C1orf167: variants seen among roughly 807,000 people sequenced by gnomAD.
C1orf167 encodes the protein chromosome 1 open reading frame 167, also known as uncharacterized protein C1orf167.
In C1orf167, 153 loss-of-function variants were observed where a neutral mutation model predicts 176.5. The ratio of observed to expected loss-of-function variants is 0.87; its 90% CI spans 0.76 to 0.99. The LOEUF is 0.99. Among genes scored for constraint, C1orf167 ranks in the 50% least tolerant of loss-of-function variants. The pLI is 0.00. For missense variants in C1orf167, 1,490 were observed against 1,817.7 expected (o/e 0.82, Z 3.28); for synonymous variants, 594 against 752.7 (o/e 0.79, Z 3.45).
In C1orf167 at chr1:11,780,403, C is replaced by CA. The variant is rs1643539797; in HGVS notation, c.2860+394dup. ...ACAGTGACTCTGCAGAGTGCCTCACCACCCCCCATACCCTCCCATCCCGTA... is the reference window on the plus strand; with the variant it reads ...ACAGTGACTCTGCAGAGTGCCTCACCAACCCCCCATACCCTCCCATCCCGTA... On this transcript the variant is annotated intron_variant, in intron 13 of 20. Transcript: ENST00000688073. Among the ~76,000 whole-genome samples, 17 of 152,214 alleles carry CA rather than the reference C, an allele frequency of 1.1e-4. 1 individual carries two copies. The South Asian group carries it at 3.5e-3, about 32-fold the overall frequency.
At position 11,768,006 on chromosome 1, in the gene C1orf167, A is replaced by G. The variant is rs1352966111; in HGVS notation, c.1344-71A>G. On this transcript the variant is annotated intron_variant, in intron 4 of 20. Transcript: ENST00000688073. This position sits in a 1 kb window ranked among gnomAD's most constrained non-coding sequence, Gnocchi z 4.5. ...TTGCTGGAAAGGCATCTCAGAGGGT[A>G]TCCAGCCACTGGGCTGTCCCTGGGG... 8.7e-7 allele frequency: 1 copy of G among 1,152,100 alleles called. No individual in the cohort carries two copies. The highest frequency in any genetic ancestry group is 1.1e-6 in the Non-Finnish European group (1 of 896,958). 71.4% of individuals were successfully genotyped at this position (1,152,100 alleles called of 1,614,324 possible). A position where few individuals can be genotyped will look rare whatever the true frequency, so the allele number is the denominator to read the frequency against.
Position 11,789,493 on chromosome 1 carries a change from G to A in C1orf167, c.*47G>A, listed in dbSNP as rs1644019726. 2 of 1,287,792 alleles carry A rather than the reference G, an allele frequency of 1.6e-6. No homozygotes were observed. Among genetic ancestry groups the A allele is most frequent in the Non-Finnish European group, 2.0e-6 (2 of 979,176 alleles). The allele number at this position is 1,287,792 out of a possible 1,614,324, so 79.8% of individuals were successfully genotyped here. ...ACAGAACTGAACTTAGCCTTCCCAGGGAAGGAACCATGCCCCACACATCCA... is the reference window on the plus strand; with the variant it reads ...ACAGAACTGAACTTAGCCTTCCCAGAGAAGGAACCATGCCCCACACATCCA... On this transcript the variant is annotated 3_prime_UTR_variant, in exon 21 of 21. Transcript: ENST00000688073.
intron 2 of C1orf167, 35 bp from the exon 3 acceptor site, chr1:11,765,822 G>A: frequency 8.5e-7 from 1 of 1,181,224 alleles, no homozygotes; most frequent in Non-Finnish European, 1.1e-6. Context: ...CTGAGTGCCA[G>A]CCACCCAAGT....
In C1orf167 at chr1:11,768,427, G is replaced by A; in HGVS notation, c.1542+152G>A. On this transcript the variant is annotated intron_variant, in intron 5 of 20. Transcript: ENST00000688073. This position sits in a 1 kb window ranked among gnomAD's most constrained non-coding sequence, Gnocchi z 4.5. Reference sequence around the variant, plus strand: ...GGTGTAGTTGTGAGTCCACACACCTGAATCAGCTCTGCCTGAGTTCAAATC... The same window carrying A: ...GGTGTAGTTGTGAGTCCACACACCTAAATCAGCTCTGCCTGAGTTCAAATC... 1 of 640,022 alleles carries A rather than the reference G, an allele frequency of 1.6e-6. No homozygotes were observed. The highest frequency in any genetic ancestry group is 2.3e-6 in the Non-Finnish European group (1 of 440,302). The allele number at this position is 640,022 out of a possible 1,614,324, so 39.6% of individuals were successfully genotyped here.
At position 11,762,301 on chromosome 1, in the gene C1orf167, C is replaced by T. The variant is rs1207922457; in HGVS notation, c.-75C>T. 1 of 395,470 alleles carries T rather than the reference C, an allele frequency of 2.5e-6. No individual in the cohort carries two copies. Among genetic ancestry groups the T allele is most frequent in the Admixed American group, 2.8e-5 (1 of 35,488 alleles). The allele number at this position is 395,470 out of a possible 1,614,324, so 24.5% of individuals were successfully genotyped here. On this transcript the variant is annotated 5_prime_UTR_variant, in exon 1 of 21. It adds an upstream start codon to the 5' untranslated region. Transcript: ENST00000688073. ...TGAAGGAGGACCCGAGGAGGACCCACGCACGTGAGGGCAGATCCATGAGGG... is the reference window on the plus strand; with the variant it reads ...TGAAGGAGGACCCGAGGAGGACCCATGCACGTGAGGGCAGATCCATGAGGG...
intron 16 of C1orf167, 52 bp downstream of exon 16, chr1:11,785,341 A>T: frequency 1.6e-6 from 2 of 1,233,098 alleles, no homozygotes; most frequent in Non-Finnish European, 2.1e-6. Context: ...GATGGCCAGC[A>T]GGGGGAGCCT....
In C1orf167 at chr1:11,788,157, C is replaced by T. The variant is rs1343169999; in HGVS notation, c.3857C>T (p.Ser1286Phe). ...KAHKRRLRAR[S>F]CRILEKQAQA... ...GGGCCCTCTCTGGCCAGTGCTCGTTCCTGCAGGATCCTGGAAAAGCAGGCC... is the reference window on the plus strand; with the variant it reads ...GGGCCCTCTCTGGCCAGTGCTCGTTTCTGCAGGATCCTGGAAAAGCAGGCC... Residue 1286 changes from serine to phenylalanine, a missense_variant, in exon 19 of 21, where the codon TCC becomes TTC. Coordinates refer to ENST00000688073, the MANE Select transcript of C1orf167 (RefSeq NM_001010881.2). The T allele has an allele frequency of 5.4e-6, 7 of 1,287,444 alleles. No individual in the cohort carries two copies. Among genetic ancestry groups the T allele is most frequent in the Non-Finnish European group, 6.1e-6 (6 of 975,718 alleles). The allele number at this position is 1,287,444 out of a possible 1,614,324, so 79.8% of individuals were successfully genotyped here.
Position 11,779,064 on chromosome 1 carries a change from C to A in C1orf167, c.2635C>A (p.His879Asn), listed in dbSNP as rs1310904987. 3.2e-6 allele frequency: 4 copies of A among 1,259,650 alleles called. No individual in the cohort carries two copies. Among genetic ancestry groups the A allele is most frequent in the Non-Finnish European group, 4.1e-6 (4 of 968,282 alleles). 78.0% of individuals were successfully genotyped at this position (1,259,650 alleles called of 1,614,324 possible). The change falls in exon 12 of 21, where the codon CAT (histidine) becomes AAT (asparagine). Residue 879 changes from histidine (H) to asparagine (N), a missense_variant. By Grantham distance (68) the His-to-Asn change is moderately conservative (BLOSUM62 1). Coordinates refer to ENST00000688073, the MANE Select transcript of C1orf167 (RefSeq NM_001010881.2). ...CCAGGGCACAGCCAGGTGGTACCAG[C>A]ATACCCGCCAGAGGCGGTAGGGATC... ...QFQGTARWYQ[H>N]TRQRRIFLSW...
rs940697591 is a variant in C1orf167, at chr1:11,766,292, C to G, written c.506C>G (p.Ser169Cys). 3.1e-6 allele frequency: 4 copies of G among 1,289,452 alleles called. No individual in the cohort carries two copies. Among genetic ancestry groups the G allele is most frequent in the Non-Finnish European group, 4.0e-6 (4 of 988,756 alleles). 79.9% of individuals were successfully genotyped at this position (1,289,452 alleles called of 1,614,324 possible). Reference protein sequence around the residue: ...LARPSSCLRQSGLPAPGTPSG... With the variant: ...LARPSSCLRQCGLPAPGTPSG... ...CGCCCATCTTCCTGCCTGAGGCAGT[C>G]CGGGCTGCCGGCCCCAGGCACCCCT... Residue 169 changes from serine (S) to cysteine (C), a missense_variant, in exon 3 of 21, where the codon TCC (serine) becomes TGC (cysteine). By Grantham distance (112) the Ser-to-Cys change is moderately radical. Transcript: ENST00000688073. This position sits in a 1 kb window ranked among gnomAD's most constrained non-coding sequence, Gnocchi z 4.5.
intron 4 of C1orf167, 52 bp downstream of exon 4, chr1:11,767,316 C>T: frequency 1.6e-6 from 2 of 1,251,472 alleles, no homozygotes; most frequent in African/African-American, 3.1e-5. Flanking sequence ...GACACGTGCT[C>T]AGGACTCCGC....
chr1:11,789,108 G>T, intron 20 of C1orf167, 162 bp from the exon 21 acceptor site: 1 of 591,844 alleles, frequency 1.7e-6, no homozygotes, highest in Non-Finnish European at 2.6e-6. Flanking sequence ...GATCTATTCT[G>T]AGCTTGTGCA....
intron 10 of C1orf167, chr1:11,777,330 A>G (rs2100341456): frequency 6.5e-6 from 1 of 152,904 alleles, no homozygotes; most frequent in African/African-American, 2.4e-5. Flanking sequence ...GTCAGGAGGA[A>G]TGGAAGCGAG....
chr1:11,788,947 C>A, intron 20 of C1orf167: 1 of 411,422 alleles, frequency 2.4e-6, no homozygotes. Flanking sequence ...GTGGCCCCAG[C>A]TCAGGCCAGG....
intron 13 of C1orf167, among the ~76,000 whole-genome samples, chr1:11,781,170 G>T (rs1347906048): frequency 6.6e-6 from 1 of 151,874 alleles, no homozygotes; most frequent in Non-Finnish European, 1.5e-5. Context: ...GCTAATTTTT[G>T]TATTTTTAGT....
rs184951300 is a variant in C1orf167 at position 11,773,564 on chromosome 1, C to T, written c.1988+1305C>T. Among the ~76,000 whole-genome samples, 44 of 151,964 alleles carry T rather than the reference C, an allele frequency of 2.9e-4. 1 individual carries two copies. The East Asian group carries it at 8.0e-3, about 28-fold the overall frequency. On this transcript the variant is annotated intron_variant, in intron 8 of 20. Transcript: ENST00000688073. ...CTCTACTAAAAATACAAAAATTTGT[C>T]GAGTATGATGGTGAACACCTGTAAT...
At chr1:11,764,939 A>G (rs1199449276) in intron 2 of C1orf167, among the ~76,000 whole-genome samples, 3 of 150,830 alleles carry the variant, frequency 2.0e-5, no homozygotes, top group Admixed American at 6.7e-5. Context: ...CTGTAATCCC[A>G]GCTACTCGGG....
At chr1:11,789,149 G>C in intron 20 of C1orf167, 121 bp from the exon 21 acceptor site, 2 of 979,914 alleles carry the variant, frequency 2.0e-6, no homozygotes, top group Non-Finnish European at 2.7e-6. Context: ...CTGGCTGCTT[G>C]GGGCAGAGGG....
rs1461950329 is a variant in C1orf167 at position 11,765,853 on chromosome 1, T to C, written c.71-4T>C. 12 of 1,192,256 alleles carry C rather than the reference T, an allele frequency of 1.0e-5. No homozygotes were observed. Among genetic ancestry groups the C allele is most frequent in the Admixed American group, 3.6e-5 (1 of 27,868 alleles). The allele number at this position is 1,192,256 out of a possible 1,614,324, so 73.9% of individuals were successfully genotyped here. On this transcript the variant is annotated splice_polypyrimidine_tract_variant and splice_region_variant and intron_variant, in intron 2 of 20. Coordinates refer to ENST00000688073, the MANE Select transcript of C1orf167 (RefSeq NM_001010881.2). The stretch of plus-strand genomic sequence containing the variant: ...CAAGTCATGACTGTCTCTCCTCTCT[T>C]TAGAGCAACGAAGATTCCGGAGGAG...
At position 11,778,702 on chromosome 1, in the gene C1orf167, C is replaced by A. The variant is rs1172951851; in HGVS notation, c.2382C>A (p.Ser794Arg). Residue 794 changes from serine (S) to arginine (R), a missense_variant, in exon 11 of 21, where the codon AGC becomes AGA. Ser to Arg is a moderately radical substitution (Grantham distance 110). Transcript: ENST00000688073. ...QGLQQRMLQR[S>R]LRWWHLRALG... ...TGCAGCAGCGGATGCTGCAGCGCAG[C>A]CTGAGATGGTGGCACTTGAGGGCAC... 3.1e-6 allele frequency: 4 copies of A among 1,303,762 alleles called. No homozygotes were observed. Among genetic ancestry groups the A allele is most frequent in the Non-Finnish European group, 1.0e-6 (1 of 988,556 alleles). 80.8% of individuals were successfully genotyped at this position (1,303,762 alleles called of 1,614,324 possible). A position where few individuals can be genotyped will look rare whatever the true frequency, so the allele number is the denominator to read the frequency against.
Sources: gnomAD v4.1 joint callset for allele counts (sites outside exome capture counted in the v4.1 genomes callset) on GRCh38, gnomAD v4.1.1 for gene constraint, Gnocchi (gnomAD v3.1) non-coding constraint, MANE v1.5 for transcripts, NCBI Gene and HGNC (gene_info 2026-07-23, HGNC 2026-07-21) for gene names.